GCNT4: variants seen among roughly 807,000 people sequenced by gnomAD.
GCNT4 encodes glucosaminyl (N-acetyl) transferase 4.
In GCNT4, 17 loss-of-function variants were observed where a neutral mutation model predicts 31.3. That is an observed-to-expected ratio of 0.54 (90% CI 0.37 to 0.81). The LOEUF (loss-of-function observed/expected upper bound fraction) is 0.81. Ranked by LOEUF, GCNT4 falls within the 40% of genes least tolerant of loss-of-function variation. The pLI is 0.00. For missense variants in GCNT4, 503 were observed against 525.5 expected (o/e 0.96, Z 0.42); for synonymous variants, 158 against 190.6 (o/e 0.83, Z 1.41).
rs931422593 is a variant in GCNT4 at position 75,027,209 on chromosome 5, A to G, written c.*1467T>C. On this transcript the variant is annotated 3_prime_UTR_variant, in exon 4 of 4. Transcript: ENST00000652361. Reference sequence around the variant, plus strand: ...GAAAATGTTATTGCCTATTCTCAGAACCCCATTCCTACCCCATTTTACTTC... The same window carrying G: ...GAAAATGTTATTGCCTATTCTCAGAGCCCCATTCCTACCCCATTTTACTTC... 4 of 146,988 alleles carry G rather than the reference A, an allele frequency of 2.7e-5. No homozygotes were observed. In the Admixed American group the frequency reaches 2.7e-4, roughly 10 times the overall value. 9.1% of individuals were successfully genotyped at this position (146,988 alleles called of 1,614,324 possible).
chr5:75,027,432 T>A lies in GCNT4; in HGVS notation c.*1244A>T, dbSNP rs1227495949. On this transcript the variant is annotated 3_prime_UTR_variant, in exon 4 of 4. Coordinates refer to ENST00000652361, the MANE Select transcript of GCNT4 (RefSeq NM_001366737.1). ...AACATAAATATATATTACATATATA[T>A]AAAATATATATTATATATATATATT... is the stretch of plus-strand genomic sequence containing the variant. 2 of 142,402 alleles carry A rather than the reference T, an allele frequency of 1.4e-5. No individual in the cohort carries two copies. Among genetic ancestry groups the A allele is most frequent in the African/African-American group, 5.1e-5 (2 of 39,214 alleles). 8.8% of individuals were successfully genotyped at this position (142,402 alleles called of 1,614,324 possible).
intron 3 of GCNT4, among the ~76,000 whole-genome samples, chr5:75,031,890 T>C (rs1225060351): frequency 6.6e-6 from 1 of 152,174 alleles, no homozygotes; most frequent in Non-Finnish European, 1.5e-5. Context: ...TGAGACCTGG[T>C]GGGGTCTGAG....
intron 2 of GCNT4, among the ~76,000 whole-genome samples, chr5:75,050,297 T>A (rs758482992): frequency 2.0e-5 from 3 of 152,236 alleles, no homozygotes; most frequent in Non-Finnish European, 4.4e-5. Context: ...TTACATTACA[T>A]GAGCTTGATA....
At position 75,052,218 on chromosome 5, in the gene GCNT4, G is replaced by GT. The variant is rs1327299005; in HGVS notation, c.-193dup. 7.1e-6 allele frequency: 1 copy of GT among 140,406 alleles called. No homozygotes were observed. Among genetic ancestry groups the GT allele is most frequent in the African/African-American group, 2.7e-5 (1 of 37,428 alleles). The allele number at this position is 140,406 out of a possible 1,614,324, so 8.7% of individuals were successfully genotyped here. On this transcript the variant is annotated 5_prime_UTR_variant, in exon 2 of 4. Coordinates refer to ENST00000652361, the MANE Select transcript of GCNT4 (RefSeq NM_001366737.1). Reference sequence around the variant, plus strand: ...TAGCCCCAACTCTGTTAATCTTCTGGTTTGTTGTTCTTCCATTTTTAAAGA... The same window carrying GT: ...TAGCCCCAACTCTGTTAATCTTCTGGTTTTGTTGTTCTTCCATTTTTAAAGA...
chr5:75,033,796 C>T (rs981950295), intron 3 of GCNT4, among the ~76,000 whole-genome samples: 1 of 151,914 alleles, frequency 6.6e-6, no homozygotes, highest in African/African-American at 2.4e-5. Context: ...TTTTAAGCCC[C>T]GAATGCATTA....
At chr5:75,048,462 A>G (rs1743494936) in intron 2 of GCNT4, among the ~76,000 whole-genome samples, 1 of 152,182 alleles carries the variant, frequency 6.6e-6, no homozygotes, top group Admixed American at 6.5e-5. Flanking sequence ...GCATCTCTAG[A>G]GGACAGTTCA....
At chr5:75,032,194 C>A (rs890968119) in intron 3 of GCNT4, among the ~76,000 whole-genome samples, 3 of 152,128 alleles carry the variant, frequency 2.0e-5, no homozygotes, top group South Asian at 2.1e-4. Flanking sequence ...CTGCCCCAGG[C>A]TCCTATCCTC....
the GCNT4 span, among the ~76,000 whole-genome samples, chr5:75,019,552 G>C: frequency 2.0e-5 from 3 of 152,228 alleles, no homozygotes; most frequent in Non-Finnish European, 4.4e-5. Context: ...AGCTCTGACA[G>C]TTATTAGCTG....
chr5:75,021,702 C>T (rs1742882576), downstream of GCNT4, among the ~76,000 whole-genome samples: 1 of 152,138 alleles, frequency 6.6e-6, no homozygotes. Context: ...AATCAGCATT[C>T]CCCCTTTCCT....
chr5:75,039,734 G>T (rs1044030406), intron 3 of GCNT4, among the ~76,000 whole-genome samples: 1 of 152,062 alleles, frequency 6.6e-6, no homozygotes, highest in Non-Finnish European at 1.5e-5. Context: ...TCTAACCCAA[G>T]CTAGCATCAA....
the GCNT4 span, among the ~76,000 whole-genome samples, chr5:75,019,547 T>C: frequency 2.0e-5 from 3 of 152,226 alleles, no homozygotes; most frequent in African/African-American, 7.2e-5. Context: ...ATCTCAGCTC[T>C]GACAGTTATT....
Position 75,050,546 on chromosome 5 carries a change from T to G in GCNT4, c.-143+1623A>C, listed in dbSNP as rs569776206. Among the ~76,000 whole-genome samples, 7 of 152,196 alleles carry G rather than the reference T, an allele frequency of 4.6e-5. No individual in the cohort carries two copies. The South Asian group carries it at 1.0e-3, about 23-fold the overall frequency. ...ACCCCTCGTACAGAGGACCACCATCTGTGGAGAGTCAGCCAGCGAGTGCAC... is the reference window on the plus strand; with the variant it reads ...ACCCCTCGTACAGAGGACCACCATCGGTGGAGAGTCAGCCAGCGAGTGCAC... On this transcript the variant is annotated intron_variant, in intron 2 of 3. Coordinates refer to ENST00000652361, the MANE Select transcript of GCNT4 (RefSeq NM_001366737.1).
intron 3 of GCNT4, 125 bp from the exon 4 acceptor site, chr5:75,030,163 G>A (rs1452646200): frequency 1.3e-5 from 11 of 838,992 alleles, no homozygotes; most frequent in Non-Finnish European, 1.9e-5. Context: ...ATGAAACAAG[G>A]TTTTTACCCT....
At chr5:75,025,117 C>G (rs1474203426), downstream of GCNT4, among the ~76,000 whole-genome samples, 1 of 152,080 alleles carries the variant, frequency 6.6e-6, no homozygotes, top group Non-Finnish European at 1.5e-5. Context: ...AGAAACCAAC[C>G]TGAAGTAGGA....
intron 3 of GCNT4, among the ~76,000 whole-genome samples, chr5:75,046,369 G>A (rs1419111646): frequency 6.6e-6 from 1 of 152,126 alleles, no homozygotes; most frequent in Admixed American, 6.5e-5. Flanking sequence ...ATGCTGCAGT[G>A]ACACAGAGAG....
intron 2 of GCNT4, among the ~76,000 whole-genome samples, chr5:75,051,106 C>T (rs972662306): frequency 1.3e-5 from 2 of 152,196 alleles, no homozygotes; most frequent in Non-Finnish European, 2.9e-5. Context: ...TCAGGCTCTC[C>T]TCTCCTCTGG....
Position 75,030,006 on chromosome 5 carries a change from G to A in GCNT4, c.32C>T (p.Thr11Ile), listed in dbSNP as rs1271183645. Residue 11 changes from threonine (T) to isoleucine (I), a missense_variant, in exon 4 of 4, where the codon ACC (threonine) becomes ATC (isoleucine). By Grantham distance (89) the Thr-to-Ile change is moderately conservative. Coordinates refer to ENST00000652361, the MANE Select transcript of GCNT4 (RefSeq NM_001366737.1). Reference sequence around the variant, plus strand: ...CAGGATGAAAACTTTCTGCTGTAGGGTATGTTTAAAATAACATTTGAATAT... The same window carrying A: ...CAGGATGAAAACTTTCTGCTGTAGGATATGTTTAAAATAACATTTGAATAT... Reference protein sequence around the residue: MKIFKCYFKHTLQQKVFILFL... With the variant: MKIFKCYFKHILQQKVFILFL... 3.7e-6 allele frequency: 6 copies of A among 1,604,896 alleles called. No individual in the cohort carries two copies. The highest frequency in any genetic ancestry group is 5.1e-6 in the Non-Finnish European group (6 of 1,177,242).
rs755541637 is a variant in GCNT4 at position 75,028,722 on chromosome 5, G to T, written c.1316C>A (p.Pro439His). 3 of 1,613,718 alleles carry T rather than the reference G, an allele frequency of 1.9e-6. No individual in the cohort carries two copies. In the South Asian group the frequency reaches 3.3e-5, roughly 18 times the overall value. The change falls in exon 4 of 4, where the codon CCC becomes CAC. Residue 439 changes from proline (P) to histidine (H), a missense_variant. Pro to His is a moderately conservative substitution (Grantham distance 77). Coordinates refer to ENST00000652361, the MANE Select transcript of GCNT4 (RefSeq NM_001366737.1). ...EEQQRDWITL[P>H]SEKLFMDRNL... ...TCTATCCATAAATAACTTTTCTGAG[G>T]GCAAAGTGATCCAGTCTCTCTGCTG... is the stretch of plus-strand genomic sequence containing the variant.
At chr5:75,033,879 C>A (rs1269351478) in intron 3 of GCNT4, among the ~76,000 whole-genome samples, 1 of 151,920 alleles carries the variant, frequency 6.6e-6, no homozygotes, top group Non-Finnish European at 1.5e-5. Context: ...ATGTTCCCCT[C>A]CCTGTGTCCA....
Sources: allele counts gnomAD v4.1 joint callset (sites outside exome capture counted in the v4.1 genomes callset), GRCh38; gene constraint gnomAD v4.1.1; transcripts MANE v1.5; gene names NCBI Gene and HGNC (gene_info 2026-07-23, HGNC 2026-07-21).